Variants in MCF2 observed in about 807,000 individuals in gnomAD.
MCF2 encodes MCF.2 cell line derived transforming sequence, also known as proto-oncogene DBL.
In MCF2, 44 loss-of-function variants were observed where a neutral mutation model predicts 82.5. That is an observed-to-expected ratio of 0.53 (90% confidence interval 0.42 to 0.69). The LOEUF (loss-of-function observed/expected upper bound fraction) is 0.69. Among genes scored for constraint, MCF2 ranks in the 30% least tolerant of loss-of-function variants. The probability of loss-of-function intolerance (pLI) is 0.00; values close to 1 mark genes in which losing one functional copy is unlikely to be tolerated. For synonymous variants in MCF2, 217 were observed against 224.9 expected, an observed-to-expected ratio of 0.96 and a Z score of 0.32; for missense variants, 623 against 663.1, an observed-to-expected ratio of 0.94 and a Z score of 0.66.
At chrX:139,664,041 G>C (rs983930557) in intron 1 of MCF2, among the ~76,000 whole-genome samples, 2 of 109,868 alleles carry the variant, frequency 1.8e-5, no homozygotes, top group African/African-American at 6.7e-5. Context: ...GTCTCTCTCT[G>C]TCACCCAGGC....
chrX:139,607,714 G>A lies in MCF2; in HGVS notation c.1467C>T (p.Gly489=). 8.3e-7 allele frequency: 1 copy of A among 1,200,190 alleles called. No homozygotes were observed. The highest frequency in any genetic ancestry group is 1.1e-6 in the Non-Finnish European group (1 of 886,632). Residue 489 remains glycine, a synonymous_variant, in exon 12 of 25, where the codon GGC becomes GGT. Coordinates refer to ENST00000370576, the Ensembl canonical transcript of MCF2. ...ACTTCTTTAAAACATCCAAGCTATT[G>A]CCATTGTCCAAACTGGAGGATGGAC...
intron 1 of MCF2, among the ~76,000 whole-genome samples, chrX:139,662,817 A>G (rs1407914618): frequency 9.0e-6 from 1 of 110,643 alleles, no homozygotes; most frequent in Non-Finnish European, 1.9e-5. Flanking sequence ...TCACCCTTTC[A>G]GTCTCTGTTA....
exon 10 of MCF2, chrX:139,614,947 G>T: frequency 8.3e-7 from 1 of 1,209,377 alleles, no homozygotes; most frequent in Non-Finnish European, 1.1e-6. Context: ...ACCACAAATT[G>T]GATTGGCCTC....
intron 20 of MCF2, 64 bp downstream of exon 24, chrX:139,589,771 T>C (rs1181477898): frequency 3.4e-5 from 27 of 799,452 alleles, no homozygotes; most frequent in Non-Finnish European, 4.8e-5. Context: ...TTTTTGTTTA[T>C]AAATTCGGGC....
At chrX:139,616,261 T>C in intron 9 of MCF2, 21 bp downstream of exon 12, 4 of 969,751 alleles carry the variant, frequency 4.1e-6, no homozygotes, top group Non-Finnish European at 5.4e-6. Context: ...AATATTTATT[T>C]GAAAATAAAA....
chrX:139,607,084 T>C (rs878900527), intron 12 of MCF2: 1 of 111,388 alleles, frequency 9.0e-6, no homozygotes, highest in Non-Finnish European at 1.9e-5. Flanking sequence ...TAATTTTTGA[T>C]GTACCACTCT....
chrX:139,652,836 A>G (rs1427848568), intron 1 of MCF2, among the ~76,000 whole-genome samples: 1 of 110,198 alleles, frequency 9.1e-6, no homozygotes, highest in Non-Finnish European at 1.9e-5. Context: ...CTCAAATCAC[A>G]CCACATGGAT....
chrX:139,628,863 T>G (rs182759802), intron 4 of MCF2, among the ~76,000 whole-genome samples: 2 of 111,307 alleles, frequency 1.8e-5, no homozygotes, highest in East Asian at 5.7e-4. Context: ...CACAAAGACC[T>G]GGATAGGAGA....
chrX:139,664,577 C>T (rs1474144910), intron 1 of MCF2, among the ~76,000 whole-genome samples: 1 of 112,018 alleles, frequency 8.9e-6, no homozygotes, highest in Non-Finnish European at 1.9e-5. Context: ...AACAGGTTTC[C>T]CTCTGGCCCA....
At chrX:139,643,402 C>T (rs905862364), upstream of MCF2, among the ~76,000 whole-genome samples, 1 of 111,801 alleles carries the variant, frequency 8.9e-6, no homozygotes, top group African/African-American at 3.2e-5. Context: ...AATTAGCTTG[C>T]ATTCAATATT....
At chrX:139,626,886 G>T in intron 4 of MCF2, 130 bp from the exon 8 acceptor site, 1 of 546,655 alleles carries the variant, frequency 1.8e-6, no homozygotes, top group Non-Finnish European at 2.8e-6. Flanking sequence ...TGCTTTCATA[G>T]CTCTCTGAAA....
chrX:139,673,374 C>G (rs973918732), intron 1 of MCF2, among the ~76,000 whole-genome samples: 2 of 111,325 alleles, frequency 1.8e-5, no homozygotes, highest in Non-Finnish European at 3.8e-5. Flanking sequence ...AATGTGTTTG[C>G]TCTTGCTTCT....
At chrX:139,612,944 A>G (rs1931608104) in intron 10 of MCF2, among the ~76,000 whole-genome samples, 1 of 112,146 alleles carries the variant, frequency 8.9e-6, no homozygotes, top group Non-Finnish European at 1.9e-5. Flanking sequence ...TCATTTTAGC[A>G]TCGCCAATTG....
At chrX:139,703,763 A>G (rs758777042) in intron 1 of MCF2, among the ~76,000 whole-genome samples, 155 of 111,828 alleles carry the variant, frequency 1.4e-3, no homozygotes, top group Non-Finnish European at 2.6e-3. Context: ...CCAACAAAAA[A>G]CAAAAAACAC....
intron 2 of MCF2, among the ~76,000 whole-genome samples, chrX:139,648,632 AAAG>A (rs1057321215): frequency 5.1e-4 from 57 of 112,020 alleles, no homozygotes; most frequent in African/African-American, 1.6e-3. Context: ...AACTGGATAA[AAAG>A]AAAGACTGAA....
upstream of MCF2, among the ~76,000 whole-genome samples, chrX:139,643,596 C>T (rs747765323): frequency 5.7e-4 from 63 of 110,968 alleles, no homozygotes; most frequent in Non-Finnish European, 8.1e-4. Context: ...TTGCCCAGCA[C>T]GATCAATTTG....
chrX:139,596,908 G>T, intron 18 of MCF2, 138 bp from the exon 23 acceptor site: 1 of 466,639 alleles, frequency 2.1e-6, no homozygotes. Context: ...AACTTTGTAT[G>T]TTAAAACATG....
intron 1 of MCF2, among the ~76,000 whole-genome samples, chrX:139,661,394 G>A (rs936098870): frequency 3.6e-5 from 4 of 111,849 alleles, no homozygotes; most frequent in African/African-American, 9.7e-5. Flanking sequence ...GGCAGTCAAC[G>A]CCTACAACAG....
intron 1 of MCF2, among the ~76,000 whole-genome samples, chrX:139,655,045 C>G (rs1705575276): frequency 8.9e-6 from 1 of 111,955 alleles, no homozygotes; most frequent in Non-Finnish European, 1.9e-5. Context: ...GTCAATACAG[C>G]TTTGTAGCAA....
Sources: allele counts gnomAD v4.1 joint callset (sites outside exome capture counted in the v4.1 genomes callset), GRCh38; gene constraint gnomAD v4.1.1; transcripts MANE v1.5; gene names NCBI Gene and HGNC (gene_info 2026-07-23, HGNC 2026-07-21).